The following DACH1 variants were observed in gnomAD, a reference collection of about 807,000 sequenced individuals.
DACH1 encodes the protein dachshund homolog 1.
In DACH1, 12 loss-of-function variants were observed where a neutral mutation model predicts 54.2. The observed-to-expected ratio is 0.22, with a 90% confidence interval of 0.14 to 0.36. DACH1 has a LOEUF of 0.36. Among genes scored for constraint, DACH1 ranks in the 10% least tolerant of loss-of-function variants. The pLI, the probability that DACH1 is intolerant of heterozygous loss-of-function variation, is 1.00. For missense variants in DACH1, 805 were observed against 929.8 expected (o/e 0.87, Z 1.75); for synonymous variants, 386 against 366.2 (o/e 1.05, Z -0.62).
At chr13:71,753,842 C>T (rs931692833) in intron 1 of DACH1, among the ~76,000 whole-genome samples, 2 of 152,130 alleles carry the variant, frequency 1.3e-5, no homozygotes, top group African/African-American at 4.8e-5. Flanking sequence ...AACTACTATA[C>T]AAGAAATATT....
chr13:71,823,050 G>T (rs1272012665), intron 1 of DACH1, among the ~76,000 whole-genome samples: 2 of 152,048 alleles, frequency 1.3e-5, no homozygotes, highest in Admixed American at 1.3e-4. Context: ...GCGGTGGCAT[G>T]CCCTGACTCA....
intron 6 of DACH1, among the ~76,000 whole-genome samples, chr13:71,510,121 C>T (rs886365044): frequency 6.6e-6 from 1 of 152,018 alleles, no homozygotes; most frequent in African/African-American, 2.4e-5. Flanking sequence ...GGACACTATT[C>T]TTTCTTCTTC....
chr13:71,687,567 C>T (rs945958570), intron 1 of DACH1, among the ~76,000 whole-genome samples: 4 of 152,214 alleles, frequency 2.6e-5, no homozygotes, highest in Admixed American at 6.5e-5. Flanking sequence ...TGAAGATTTT[C>T]GTTTCTCTGT....
At chr13:71,732,584 T>TA (rs768740365) in intron 1 of DACH1, among the ~76,000 whole-genome samples, 12,349 of 110,502 alleles carry the variant, frequency 0.11, 861 homozygotes, top group East Asian at 0.28. Flanking sequence ...AGACTATTTC[T>TA]AAAAAAAAAA....
Position 71,866,840 on chromosome 13 carries a change from A to G in DACH1, c.-71T>C. 1 of 1,096,220 alleles carries G rather than the reference A, an allele frequency of 9.1e-7. No individual in the cohort carries two copies. Among genetic ancestry groups the G allele is most frequent in the Non-Finnish European group, 1.1e-6 (1 of 887,234 alleles). 67.9% of individuals were successfully genotyped at this position (1,096,220 alleles called of 1,614,324 possible). ...GTTGCCACACACCCCCGGGAGGGGA[A>G]GGGGAAAAAAGGGGGGAGAAGGAGC... On this transcript the variant is annotated 5_prime_UTR_variant, in exon 1 of 11. Coordinates refer to ENST00000613252, the MANE Select transcript of DACH1 (RefSeq NM_080759.6).
At chr13:71,600,839 A>G (rs187884156) in intron 3 of DACH1, among the ~76,000 whole-genome samples, 1 of 152,114 alleles carries the variant, frequency 6.6e-6, no homozygotes, top group Admixed American at 6.6e-5. Flanking sequence ...GTCATTCTCA[A>G]AACTGACTTT....
chr13:71,466,591 A>G (rs1876590126), intron 10 of DACH1, among the ~76,000 whole-genome samples: 1 of 152,144 alleles, frequency 6.6e-6, no homozygotes. Context: ...GCCTGTAATC[A>G]TATCACTTTG....
At chr13:71,724,254 G>T (rs1184544263) in intron 1 of DACH1, among the ~76,000 whole-genome samples, 1 of 152,170 alleles carries the variant, frequency 6.6e-6, no homozygotes, top group East Asian at 1.9e-4. Flanking sequence ...TTTAGCTCAA[G>T]TGAGAAGTAA....
chr13:71,713,023 A>C (rs1362419132), intron 1 of DACH1, among the ~76,000 whole-genome samples: 1 of 151,992 alleles, frequency 6.6e-6, no homozygotes, highest in Non-Finnish European at 1.5e-5. Flanking sequence ...ACAAAAACAA[A>C]AAGAAGCCAG....
chr13:71,743,962 T>C (rs1473415959), intron 1 of DACH1, among the ~76,000 whole-genome samples: 2 of 151,978 alleles, frequency 1.3e-5, no homozygotes, highest in East Asian at 3.9e-4. Context: ...AAAACGAAAA[T>C]ATAACAAAGG....
chr13:71,795,436 T>A (rs1887006654), intron 1 of DACH1, among the ~76,000 whole-genome samples: 1 of 152,104 alleles, frequency 6.6e-6, no homozygotes, highest in African/African-American at 2.4e-5. Context: ...CTGGTCCAAC[T>A]CCCAGCTCCT....
At chr13:71,827,131 A>G (rs529255799) in intron 1 of DACH1, among the ~76,000 whole-genome samples, 2 of 152,108 alleles carry the variant, frequency 1.3e-5, no homozygotes, top group Non-Finnish European at 2.9e-5. Context: ...AGAAGAGAAA[A>G]AGCTGGACTT....
chr13:71,749,778 G>A (rs533738356), intron 1 of DACH1, among the ~76,000 whole-genome samples: 3 of 152,090 alleles, frequency 2.0e-5, no homozygotes, highest in African/African-American at 7.2e-5. Flanking sequence ...CACGAGTTCC[G>A]TAACCGTCAT....
rs112259180 is a variant in DACH1 at position 71,518,304 on chromosome 13, T to A, written c.1571-29156A>T. On this transcript the variant is annotated intron_variant, in intron 6 of 10. Transcript: ENST00000613252. ...GAGGAAAGGCCATATGAGGACACAG[T>A]CATCTGGAAAGCCAAGGAGAGAGGC... 2.8e-3 allele frequency among the ~76,000 whole-genome samples: 430 copies of A among 151,668 alleles called. 2 individuals are homozygous for A. Among genetic ancestry groups the A allele is most frequent in the African/African-American group, 9.8e-3 (404 of 41,416 alleles).
At chr13:71,799,132 T>C (rs759245374) in intron 1 of DACH1, among the ~76,000 whole-genome samples, 1 of 152,160 alleles carries the variant, frequency 6.6e-6, no homozygotes, top group Non-Finnish European at 1.5e-5. Context: ...GATTCAGCTT[T>C]ATTTACACTG....
intron 1 of DACH1, among the ~76,000 whole-genome samples, chr13:71,730,952 A>G (rs1005831398): frequency 1.3e-5 from 2 of 152,058 alleles, no homozygotes; most frequent in Non-Finnish European, 2.9e-5. Context: ...GCATATCAGG[A>G]ACCTAAAATT....
intron 10 of DACH1, among the ~76,000 whole-genome samples, chr13:71,448,198 T>A (rs897023512): frequency 6.6e-6 from 1 of 152,178 alleles, no homozygotes; most frequent in Non-Finnish European, 1.5e-5. Flanking sequence ...TGCAGATGCC[T>A]CACTCTTCCA....
chr13:71,746,719 C>T (rs1884616832), intron 1 of DACH1, among the ~76,000 whole-genome samples: 2 of 152,200 alleles, frequency 1.3e-5, no homozygotes, highest in Non-Finnish European at 2.9e-5. Flanking sequence ...TTATGAGCTA[C>T]TGGTGCCAGC....
At chr13:71,520,638 T>C (rs1881529707) in intron 6 of DACH1, among the ~76,000 whole-genome samples, 1 of 151,712 alleles carries the variant, frequency 6.6e-6, no homozygotes, top group Non-Finnish European at 1.5e-5. Context: ...AAAACTATGT[T>C]ATACAATTAT....
Sources: gnomAD v4.1 joint callset for allele counts (sites outside exome capture counted in the v4.1 genomes callset) on GRCh38, gnomAD v4.1.1 for gene constraint, MANE v1.5 for transcripts, NCBI Gene and HGNC (gene_info 2026-07-23, HGNC 2026-07-21) for gene names.